The following PUDP variants were observed in gnomAD, a reference collection of about 807,000 sequenced individuals.
PUDP encodes the protein pseudouridine-5'-phosphatase.
PUDP carries 8 observed loss-of-function variants against 9.4 expected under a neutral mutation model. That is an observed-to-expected ratio of 0.85 (90% confidence interval 0.50 to 1.53). The LOEUF is 1.53. Ranked by LOEUF, PUDP falls within the 40% of genes most tolerant of loss-of-function variation. PUDP has a pLI of 0.00. For synonymous variants in PUDP, 99 were observed against 80.7 expected (o/e 1.23, Z -1.22); for missense variants, 188 against 189.7 (o/e 0.99, Z 0.05).
intron 3 of PUDP, among the ~76,000 whole-genome samples, chrX:6,751,703 G>T (rs1925088555): frequency 9.0e-6 from 1 of 111,250 alleles, no homozygotes; most frequent in Non-Finnish European, 1.9e-5. Flanking sequence ...CCACGCTTAG[G>T]TAAATATTTC....
intron 3 of PUDP, among the ~76,000 whole-genome samples, chrX:6,799,083 C>T (rs1350763698): frequency 1.8e-5 from 2 of 112,820 alleles, no homozygotes; most frequent in Non-Finnish European, 3.7e-5. Context: ...CCATGCTTAG[C>T]CCATGTAATC....
chrX:6,843,097 T>A (rs1019003181), intron 3 of PUDP, among the ~76,000 whole-genome samples: 3 of 112,557 alleles, frequency 2.7e-5, no homozygotes, highest in Non-Finnish European at 5.6e-5. Context: ...AGTTTTGAGA[T>A]AATGTATTAT....
chrX:7,043,417 G>A (rs977235193), intron 1 of PUDP, among the ~76,000 whole-genome samples: 1 of 111,515 alleles, frequency 9.0e-6, no homozygotes, highest in African/African-American at 3.3e-5. Flanking sequence ...GCACACAGCA[G>A]CTCCCCTTCC....
intron 3 of PUDP, among the ~76,000 whole-genome samples, chrX:6,733,244 T>C (rs978136726): frequency 1.8e-5 from 2 of 111,498 alleles, no homozygotes; most frequent in African/African-American, 6.5e-5. Context: ...GAGCAAGACT[T>C]GAGGCAGAGG....
chrX:6,716,532 G>C (rs1280549940), intron 1 of PUDP, among the ~76,000 whole-genome samples: 1 of 111,933 alleles, frequency 8.9e-6, no homozygotes, highest in Non-Finnish European at 1.9e-5. Context: ...ACTGAGACGT[G>C]AACCATGTGC....
At chrX:7,114,523 C>A (rs1355899976) in intron 1 of PUDP, among the ~76,000 whole-genome samples, 3 of 111,986 alleles carry the variant, frequency 2.7e-5, no homozygotes, top group African/African-American at 9.7e-5. Context: ...AGAGACCCCA[C>A]ACCTCTCAAT....
chrX:6,823,751 G>A, intron 3 of PUDP, among the ~76,000 whole-genome samples: 1 of 112,847 alleles, frequency 8.9e-6, no homozygotes, highest in East Asian at 2.8e-4. Context: ...TAAATAAGGG[G>A]TGGATTATTC....
At chrX:6,993,672 T>C (rs892977969) in intron 1 of PUDP, among the ~76,000 whole-genome samples, 5 of 112,524 alleles carry the variant, frequency 4.4e-5, no homozygotes, top group African/African-American at 1.6e-4. Context: ...CATAGAATTA[T>C]ATACAATGAT....
chrX:6,874,193 G>A (rs1927217116), intron 3 of PUDP, among the ~76,000 whole-genome samples: 1 of 110,604 alleles, frequency 9.0e-6, no homozygotes, highest in African/African-American at 3.3e-5. Flanking sequence ...CACAAATGCT[G>A]ACTGTACATT....
intron 1 of PUDP, among the ~76,000 whole-genome samples, chrX:6,714,518 T>C (rs1025665324): frequency 2.7e-5 from 3 of 110,620 alleles, no homozygotes; most frequent in African/African-American, 9.9e-5. Context: ...TAGATGATGA[T>C]AGATAAATGG....
intron 3 of PUDP, among the ~76,000 whole-genome samples, chrX:6,738,313 C>T (rs1377833785): frequency 9.0e-6 from 1 of 111,437 alleles, no homozygotes; most frequent in East Asian, 2.8e-4. Context: ...TGGTGCCATG[C>T]GTGTCGATTT....
At chrX:6,707,806 A>G (rs1253249045) in intron 1 of PUDP, among the ~76,000 whole-genome samples, 1 of 112,315 alleles carries the variant, frequency 8.9e-6, no homozygotes, top group African/African-American at 3.2e-5. Context: ...CCTGCTTTAG[A>G]GCACAGGATG....
chrX:7,056,634 C>T (rs1005700636), intron 3 of PUDP, among the ~76,000 whole-genome samples: 3 of 111,270 alleles, frequency 2.7e-5, no homozygotes, highest in African/African-American at 9.8e-5. Flanking sequence ...CTAGGCAGGG[C>T]CCAGTTTTCA....
At chrX:6,790,704 C>T (rs1925730573) in intron 3 of PUDP, among the ~76,000 whole-genome samples, 1 of 112,308 alleles carries the variant, frequency 8.9e-6, no homozygotes, top group Admixed American at 9.4e-5. Context: ...GTGTATAACT[C>T]CACTTATGTG....
At position 7,077,363 on chromosome X, in the gene PUDP, T is replaced by A. The variant is rs1930943356; in HGVS notation, c.367A>T (p.Lys123Ter). 1 of 1,208,955 alleles carries A rather than the reference T, an allele frequency of 8.3e-7. No individual in the cohort carries two copies. Among genetic ancestry groups the A allele is most frequent in the Non-Finnish European group, 1.1e-6 (1 of 894,861 alleles). Residue 123 changes from lysine (K) to a stop codon, truncating the protein, a stop_gained, in exon 3 of 4, where the codon AAG (lysine) becomes TAG (stop). Transcript: ENST00000381077. LOFTEE classifies it high-confidence loss of function. ...AAGAACTCCTTGTGGCGGCTTGTCT[T>A]CATATCGAACGACGCGGACCCCGAG... ...TSSGSASFDM[K>*]TSRHKEFFSL...
At chrX:6,873,353 G>T (rs1044740895) in intron 3 of PUDP, among the ~76,000 whole-genome samples, 2 of 111,711 alleles carry the variant, frequency 1.8e-5, no homozygotes, top group African/African-American at 6.5e-5. Context: ...TTTTCTAAAA[G>T]AAAATTATTT....
chrX:6,963,136 A>G (rs942246565), intron 3 of PUDP, among the ~76,000 whole-genome samples: 4 of 112,350 alleles, frequency 3.6e-5, no homozygotes, highest in Non-Finnish European at 7.5e-5. Context: ...TGCTTCTACG[A>G]TCTTTAACTC....
intron 1 of PUDP, among the ~76,000 whole-genome samples, chrX:6,988,159 C>T (rs1929127919): frequency 8.9e-6 from 1 of 112,022 alleles, no homozygotes; most frequent in Non-Finnish European, 1.9e-5. Context: ...GGAACCACCA[C>T]GAAAAGGCAG....
At chrX:6,973,260 T>C (rs1928905327) in intron 3 of PUDP, among the ~76,000 whole-genome samples, 1 of 111,791 alleles carries the variant, frequency 8.9e-6, no homozygotes, top group Non-Finnish European at 1.9e-5. Flanking sequence ...CTTTGGAATT[T>C]GTTTGCTCTT....
Sources: allele counts gnomAD v4.1 joint callset (sites outside exome capture counted in the v4.1 genomes callset), GRCh38; gene constraint gnomAD v4.1.1; transcripts MANE v1.5; gene names NCBI Gene and HGNC (gene_info 2026-07-23, HGNC 2026-07-21).